Variants in ZNF385D observed in about 807,000 individuals in gnomAD.
The protein encoded by ZNF385D is zinc finger protein 659.
Under a neutral mutation model 35.8 loss-of-function variants are expected in ZNF385D, and 15 were observed. The observed-to-expected ratio is 0.42, with a 90% CI of 0.28 to 0.64. The LOEUF is 0.64. Among genes scored for constraint, ZNF385D ranks in the 30% least tolerant of loss-of-function variants. The pLI, the probability that ZNF385D is intolerant of heterozygous loss-of-function variation, is 0.23. For synonymous variants in ZNF385D, 212 were observed against 186.8 expected (o/e 1.13, Z -1.10); for missense variants, 474 against 494.6 (o/e 0.96, Z 0.39).
At chr3:22,227,296 T>A (rs1698620257) in intron 2 of ZNF385D, among the ~76,000 whole-genome samples, 3 of 152,092 alleles carry the variant, frequency 2.0e-5, no homozygotes, top group Admixed American at 1.3e-4. Flanking sequence ...TAAGCAGGCC[T>A]CAGAAAACAC....
chr3:21,451,451 C>G (rs907403702), intron 4 of ZNF385D, among the ~76,000 whole-genome samples: 2 of 151,476 alleles, frequency 1.3e-5, no homozygotes, highest in African/African-American at 2.4e-5. Context: ...ACTTCTTTAA[C>G]TACTTTTATG....
At chr3:21,610,522 G>A (rs2064638843) in intron 2 of ZNF385D, among the ~76,000 whole-genome samples, 2 of 152,082 alleles carry the variant, frequency 1.3e-5, no homozygotes, top group African/African-American at 4.8e-5. Context: ...TGTAATCCCA[G>A]CACTCTGGGA....
intron 1 of ZNF385D, among the ~76,000 whole-genome samples, chr3:21,744,834 C>G (rs570475515): frequency 1.3e-5 from 2 of 149,590 alleles, no homozygotes; most frequent in Admixed American, 1.4e-4. Context: ...CTTGTCCTTA[C>G]TAGGACTTGG....
chr3:22,076,962 TATTAATA>T (rs1414579997), intron 3 of ZNF385D, among the ~76,000 whole-genome samples: 1 of 151,936 alleles, frequency 6.6e-6, no homozygotes, highest in Non-Finnish European at 1.5e-5. Context: ...TTTTTAATCA[TATTAATA>T]TGTAAAAGCC....
intron 1 of ZNF385D, among the ~76,000 whole-genome samples, chr3:21,680,993 T>C (rs548028594): frequency 2.6e-5 from 4 of 152,192 alleles, no homozygotes; most frequent in African/African-American, 7.2e-5. Flanking sequence ...ATGCTTTGGA[T>C]TTTATTTCTG....
At chr3:22,250,086 T>C (rs1009528241) in intron 2 of ZNF385D, among the ~76,000 whole-genome samples, 5 of 152,182 alleles carry the variant, frequency 3.3e-5, no homozygotes, top group African/African-American at 1.2e-4. Context: ...TGTTTACTCA[T>C]AAATTTGTAA....
intron 3 of ZNF385D, among the ~76,000 whole-genome samples, chr3:21,828,180 C>G (rs1427123502): frequency 6.6e-6 from 1 of 152,070 alleles, no homozygotes; most frequent in African/African-American, 2.4e-5. Flanking sequence ...TTCTAAAAAC[C>G]AGAGCTATAT....
At chr3:21,902,018 T>G (rs1699440227) in intron 3 of ZNF385D, among the ~76,000 whole-genome samples, 1 of 152,156 alleles carries the variant, frequency 6.6e-6, no homozygotes. Flanking sequence ...TTTATTCCCT[T>G]TGGTCTCCTG....
intron 3 of ZNF385D, among the ~76,000 whole-genome samples, chr3:21,896,694 G>C (rs996750805): frequency 6.6e-6 from 1 of 152,190 alleles, no homozygotes. Flanking sequence ...GCATGGATAT[G>C]AGAGACGCAG....
intron 3 of ZNF385D, among the ~76,000 whole-genome samples, chr3:21,916,681 CTT>C (rs1029616386): frequency 6.6e-6 from 1 of 152,200 alleles, no homozygotes; most frequent in Non-Finnish European, 1.5e-5. Context: ...ACAAAAGACA[CTT>C]GAATTAATTC....
intron 2 of ZNF385D, among the ~76,000 whole-genome samples, chr3:22,178,920 C>T (rs1695025691): frequency 6.6e-6 from 1 of 152,040 alleles, no homozygotes; most frequent in African/African-American, 2.4e-5. Context: ...TTTCTGAGGG[C>T]TCTGTTCTGT....
chr3:21,488,045 T>C (rs1289968109), intron 4 of ZNF385D, among the ~76,000 whole-genome samples: 7 of 152,108 alleles, frequency 4.6e-5, no homozygotes, highest in African/African-American at 1.4e-4. Context: ...GGTGGACGTA[T>C]TTGAAAATTG....
intron 3 of ZNF385D, among the ~76,000 whole-genome samples, chr3:21,894,357 A>G (rs573720883): frequency 6.6e-6 from 1 of 152,304 alleles, no homozygotes; most frequent in South Asian, 2.1e-4. Flanking sequence ...AAAAATTAAG[A>G]TTAAAATATT....
rs373272131 is a variant in ZNF385D, at chr3:21,583,061, C to T, written c.166-18377G>A. ...GATTACAGGCATGAGCCACTGCACC[C>T]GGCCTTTTAACACTTTTAATGTCTA... On this transcript the variant is annotated intron_variant, in intron 2 of 7. Coordinates refer to ENST00000281523, the MANE Select transcript of ZNF385D (RefSeq NM_024697.3). Among the ~76,000 whole-genome samples the T allele has an allele frequency of 5.7e-4, 87 of 152,198 alleles. 1 individual carries two copies. The South Asian group carries it at 0.016, about 28-fold the overall frequency.
At chr3:22,155,698 G>A (rs1160612098) in intron 3 of ZNF385D, among the ~76,000 whole-genome samples, 1 of 151,928 alleles carries the variant, frequency 6.6e-6, no homozygotes, top group Non-Finnish European at 1.5e-5. Context: ...TTATAATATT[G>A]TAATTTTTCT....
At chr3:21,568,288 AATG>A (rs1198156911) in intron 2 of ZNF385D, among the ~76,000 whole-genome samples, 2 of 152,192 alleles carry the variant, frequency 1.3e-5, no homozygotes, top group Admixed American at 6.6e-5. Context: ...TAGTTAATTA[AATG>A]ATACCACATG....
intron 2 of ZNF385D, among the ~76,000 whole-genome samples, chr3:21,649,638 C>T (rs558080102): frequency 6.6e-6 from 1 of 152,190 alleles, no homozygotes; most frequent in Non-Finnish European, 1.5e-5. Flanking sequence ...TTAAATAGCT[C>T]AAAGCACCAA....
chr3:21,550,931 T>C (rs1180106868), intron 3 of ZNF385D, among the ~76,000 whole-genome samples: 1 of 152,230 alleles, frequency 6.6e-6, no homozygotes, highest in Non-Finnish European at 1.5e-5. Flanking sequence ...TTCCCCAACA[T>C]AATGAATGCT....
intron 1 of ZNF385D, among the ~76,000 whole-genome samples, chr3:21,738,529 G>T (rs979730940): frequency 2.0e-5 from 3 of 152,182 alleles, no homozygotes; most frequent in African/African-American, 7.2e-5. Flanking sequence ...GTGAAGTAGG[G>T]TGAGTTGCCA....
Sources: gnomAD v4.1 joint callset for allele counts (sites outside exome capture counted in the v4.1 genomes callset) on GRCh38, gnomAD v4.1.1 for gene constraint, MANE v1.5 for transcripts, NCBI Gene and HGNC (gene_info 2026-07-23, HGNC 2026-07-21) for gene names.